TRIM8: variants seen among roughly 807,000 people sequenced by gnomAD.
The protein encoded by TRIM8 is E3 ubiquitin-protein ligase TRIM8.
In TRIM8, 9 loss-of-function variants were observed where a neutral mutation model predicts 55.7. The ratio of observed to expected loss-of-function variants is 0.16; its 90% CI spans 0.10 to 0.28. The LOEUF (loss-of-function observed/expected upper bound fraction) is 0.28, where lower values mean the gene tolerates loss of function less well. Among genes scored for constraint, TRIM8 ranks in the 10% least tolerant of loss-of-function variants. The pLI is 1.00. For missense variants in TRIM8, 556 were observed against 736.4 expected (o/e 0.76, Z 2.83); for synonymous variants, 335 against 333.3 (o/e 1.01, Z -0.06).
At chr10:102,655,820 T>A (rs2064019007) in intron 3 of TRIM8, among the ~76,000 whole-genome samples, 1 of 152,218 alleles carries the variant, frequency 6.6e-6, no homozygotes, top group African/African-American at 2.4e-5. Flanking sequence ...CCCCAAAGAC[T>A]TGAGCTAAAA....
chr10:102,655,474 C>G (rs929591984), intron 3 of TRIM8, among the ~76,000 whole-genome samples, 161 bp downstream of exon 3: 1 of 152,214 alleles, frequency 6.6e-6, no homozygotes, highest in African/African-American at 2.4e-5. Flanking sequence ...TGACCTTGGG[C>G]AAGTCATAGG....
At chr10:102,648,381 A>AGTCTTGTG (rs1250342727) in intron 1 of TRIM8, among the ~76,000 whole-genome samples, 2 of 152,034 alleles carry the variant, frequency 1.3e-5, no homozygotes, top group Non-Finnish European at 2.9e-5. Context: ...TATCTGCTTG[A>AGTCTTGTG]GTCTTGTGCA....
intron 1 of TRIM8, 48 bp from the exon 2 acceptor site, chr10:102,654,605 G>T (rs2064009064): frequency 7.0e-7 from 1 of 1,426,834 alleles, no homozygotes; most frequent in Non-Finnish European, 9.9e-7. Flanking sequence ...CATGGGTCAG[G>T]GTTGGAGCCA....
chr10:102,657,351 C>A lies in TRIM8; in HGVS notation c.1653C>A (p.Ser551Arg), dbSNP rs1343397336. The A allele has an allele frequency of 6.4e-7, 1 of 1,562,426 alleles. No homozygotes were observed. Among genetic ancestry groups the A allele is most frequent in the South Asian group, 1.2e-5 (1 of 84,808 alleles). Reference protein sequence around the residue: ...GQPSTKHYVTS With the variant: ...GQPSTKHYVTR Reference sequence around the variant, plus strand: ...CGTCCACCAAACACTACGTGACGAGCTAACGCCACGCAGGCGGCGGGGCGC... The same window carrying A: ...CGTCCACCAAACACTACGTGACGAGATAACGCCACGCAGGCGGCGGGGCGC... Residue 551 changes from serine to arginine, a missense_variant, in exon 6 of 6, where the codon AGC becomes AGA. Ser to Arg is a moderately radical substitution (Grantham distance 110). Around this residue, in one of 2 missense-constraint regions of TRIM8, gnomAD observed 391 missense variants for 441.0 expected, o/e 0.89. Transcript: ENST00000643721.
At position 102,657,512 on chromosome 10, in the gene TRIM8, CTTTG is replaced by C. The variant is rs2064037710; in HGVS notation, c.*162_*165del. On this transcript the variant is annotated 3_prime_UTR_variant, in exon 6 of 6. Coordinates refer to ENST00000643721, the MANE Select transcript of TRIM8 (RefSeq NM_030912.3). ...CTTTTGGATTTTGTTTTGGTTTTGG[CTTTG>C]TTTTTGATTTTTTTTTATTATGAAT... 5 of 1,013,184 alleles carry C rather than the reference CTTTG, an allele frequency of 4.9e-6. No individual in the cohort carries two copies. The highest frequency in any genetic ancestry group is 5.7e-5 in the East Asian group (2 of 35,014). 62.8% of individuals were successfully genotyped at this position (1,013,184 alleles called of 1,614,324 possible).
At chr10:102,655,972 C>T in intron 3 of TRIM8, 134 bp from the exon 4 acceptor site, 1 of 1,320,594 alleles carries the variant, frequency 7.6e-7, no homozygotes, top group Non-Finnish European at 1.1e-6. Flanking sequence ...CTACCCCTGC[C>T]ACTTTCTGTC....
At position 102,656,666 on chromosome 10, in the gene TRIM8, T is replaced by C. The variant is rs983372314; in HGVS notation, c.1049-81T>C. ...TTCTTGGGCCTCTAGGTGTCAATGG[T>C]CCCCAGGTCCAACCCAGGGAGAGGA... On this transcript the variant is annotated intron_variant, in intron 5 of 5. Transcript: ENST00000643721. The surrounding 1 kb of genome is among the most constrained non-coding windows in gnomAD (Gnocchi z 4.6). The C allele has an allele frequency of 2.9e-5, 44 of 1,503,646 alleles. 1 individual carries two copies. The African/African-American group carries it at 4.9e-4, about 17-fold the overall frequency. 93.1% of individuals were successfully genotyped at this position (1,503,646 alleles called of 1,614,324 possible).
intron 1 of TRIM8, among the ~76,000 whole-genome samples, chr10:102,647,242 G>A (rs1189051168): frequency 1.3e-5 from 2 of 152,128 alleles, no homozygotes. Context: ...GCGTGTGTGC[G>A]TGTGTGTGCG....
At chr10:102,654,850 C>T (rs1039749167) in intron 2 of TRIM8, 102 bp downstream of exon 2, 4 of 1,004,658 alleles carry the variant, frequency 4.0e-6, no homozygotes, top group Admixed American at 1.7e-5. Context: ...TATGCCAGAA[C>T]CACTCCATCA....
intron 1 of TRIM8, among the ~76,000 whole-genome samples, chr10:102,647,106 G>A (rs2063942540): frequency 6.6e-6 from 1 of 152,220 alleles, no homozygotes; most frequent in Non-Finnish European, 1.5e-5. Context: ...GGCAGGGGTG[G>A]GTGGGTGGCA....
chr10:102,656,166 G>A lies in TRIM8; in HGVS notation c.932+29G>A. The stretch of plus-strand genomic sequence containing the variant: ...AGCTGAGGGCCCTAGCCCTCCCGGG[G>A]GCACATCCTGGGGAGGGCAGGGGGG... On this transcript the variant is annotated intron_variant, in intron 4 of 5. Transcript: ENST00000643721. This position sits in a 1 kb window ranked among gnomAD's most constrained non-coding sequence, Gnocchi z 4.6. 6.2e-7 allele frequency: 1 copy of A among 1,614,154 alleles called. No homozygotes were observed. Among genetic ancestry groups the A allele is most frequent in the Non-Finnish European group, 8.5e-7 (1 of 1,180,016 alleles).
chr10:102,655,349 G>C, intron 3 of TRIM8, 36 bp downstream of exon 3: 1 of 1,582,878 alleles, frequency 6.3e-7, no homozygotes, highest in Non-Finnish European at 8.6e-7. Flanking sequence ...GTGGCACCCA[G>C]AGGGCCATTT....
chr10:102,657,152 A>G lies in TRIM8; in HGVS notation c.1454A>G (p.Gln485Arg). 6.2e-7 allele frequency: 1 copy of G among 1,613,948 alleles called. No homozygotes were observed. Residue 485 changes from glutamine to arginine, a missense_variant, in exon 6 of 6, where the codon CAG (glutamine) becomes CGG (arginine). Around this residue, in one of 2 missense-constraint regions of TRIM8, gnomAD observed 391 missense variants for 441.0 expected, o/e 0.89. Coordinates refer to ENST00000643721, the MANE Select transcript of TRIM8 (RefSeq NM_030912.3). ...TCCGTGGCCAACCATGGCGGCCACC[A>G]GCCCTACCCCCGCTCCGGCCACTTT... ...CSSVANHGGH[Q>R]PYPRSGHFPW...
At chr10:102,654,632 C>G (rs376245095) in intron 1 of TRIM8, 21 bp from the exon 2 acceptor site, 40 of 1,600,732 alleles carry the variant, frequency 2.5e-5, no homozygotes, top group Non-Finnish European at 3.2e-5. Context: ...CTCTGATACT[C>G]CCACCCAAAT....
intron 3 of TRIM8, 86 bp downstream of exon 3, chr10:102,655,399 A>G: frequency 1.6e-6 from 2 of 1,275,698 alleles, no homozygotes; most frequent in Non-Finnish European, 2.2e-6. Context: ...TGTAGCTCAC[A>G]TGCCCTTACC....
In TRIM8 at chr10:102,657,518, TTTTGA is replaced by T; in HGVS notation, c.*168_*172del. Reference sequence around the variant, plus strand: ...GATTTTGTTTTGGTTTTGGCTTTGTTTTTGATTTTTTTTTATTATGAATCTCCTGG... The same window carrying T: ...GATTTTGTTTTGGTTTTGGCTTTGTTTTTTTTTTTATTATGAATCTCCTGG... On this transcript the variant is annotated 3_prime_UTR_variant, in exon 6 of 6. Transcript: ENST00000643721. The T allele has an allele frequency of 1.1e-6, 1 of 914,416 alleles. No individual in the cohort carries two copies. Among genetic ancestry groups the T allele is most frequent in the Non-Finnish European group, 1.6e-6 (1 of 638,856 alleles). The allele number at this position is 914,416 out of a possible 1,614,324, so 56.6% of individuals were successfully genotyped here. A position where few individuals can be genotyped will look rare whatever the true frequency, so the allele number is the denominator to read the frequency against.
intron 1 of TRIM8, 101 bp downstream of exon 1, chr10:102,645,288 G>A: frequency 7.7e-7 from 1 of 1,302,910 alleles, no homozygotes; most frequent in Non-Finnish European, 1.0e-6. Flanking sequence ...GCTGACTCTT[G>A]TGACATCAGG....
At chr10:102,646,955 A>T (rs1429584220) in intron 1 of TRIM8, among the ~76,000 whole-genome samples, 1 of 152,200 alleles carries the variant, frequency 6.6e-6, no homozygotes, top group Non-Finnish European at 1.5e-5. Flanking sequence ...GATGTCTTTA[A>T]TTGGGGTGGG....
At position 102,657,108 on chromosome 10, in the gene TRIM8, G is replaced by T; in HGVS notation, c.1410G>T (p.Val470=). The change falls in exon 6 of 6, where the codon GTG becomes GTT. Residue 470 remains valine, a synonymous_variant. Coordinates refer to ENST00000643721, the MANE Select transcript of TRIM8 (RefSeq NM_030912.3). ...GCCGCAAGATTCTCGTCTGTTCTGT[G>T]GACAACTGTTACTGTTCTTCCGTGG... The part of the protein sequence containing the change: ...YGGRKILVCS[V]DNCYCSSVAN... 1 of 1,613,852 alleles carries T rather than the reference G, an allele frequency of 6.2e-7. No individual in the cohort carries two copies. Among genetic ancestry groups the T allele is most frequent in the Non-Finnish European group, 8.5e-7 (1 of 1,180,006 alleles).
Sources: allele counts gnomAD v4.1 joint callset (sites outside exome capture counted in the v4.1 genomes callset), GRCh38; gene constraint gnomAD v4.1.1; regional missense constraint gnomAD v4.1.1; non-coding constraint Gnocchi (gnomAD v3.1); transcripts MANE v1.5; gene names NCBI Gene and HGNC (gene_info 2026-07-23, HGNC 2026-07-21).